The following SAMTOR variants were observed in gnomAD, a reference collection of about 807,000 sequenced individuals.
SAMTOR encodes the protein UPF0532 protein C7orf60.
chr7:112,916,074 C>A, the SAMTOR span, among the ~76,000 whole-genome samples: 1 of 152,122 alleles, frequency 6.6e-6, no homozygotes, highest in Non-Finnish European at 1.5e-5. Context: ...ATTTATAATT[C>A]TAGGTCAAAA....
chr7:112,819,705 T>G, the SAMTOR span: 3 of 152,532 alleles, frequency 2.0e-5, no homozygotes, highest in Non-Finnish European at 4.4e-5. Context: ...ATAAGCAGAA[T>G]CAACATCTGT....
At chr7:112,897,351 A>G in the SAMTOR span, among the ~76,000 whole-genome samples, 1 of 152,218 alleles carries the variant, frequency 6.6e-6, no homozygotes, top group Non-Finnish European at 1.5e-5. Flanking sequence ...AGACTTTATC[A>G]ACTTGAAATT....
At chr7:112,844,181 G>T in the SAMTOR span, among the ~76,000 whole-genome samples, 1 of 151,904 alleles carries the variant, frequency 6.6e-6, no homozygotes, top group Admixed American at 6.6e-5. Context: ...TACTGAATAG[G>T]CAAAAGCTGG....
At chr7:112,851,479 C>T in the SAMTOR span, among the ~76,000 whole-genome samples, 10 of 152,234 alleles carry the variant, frequency 6.6e-5, no homozygotes, top group South Asian at 4.1e-4. Flanking sequence ...GCTGGGAAAA[C>T]TGGATAGCCA....
chr7:112,864,945 G>A, the SAMTOR span, among the ~76,000 whole-genome samples: 2 of 151,978 alleles, frequency 1.3e-5, no homozygotes, highest in African/African-American at 4.8e-5. Context: ...GTAGAGATGG[G>A]GTTTTGCCAT....
At chr7:112,907,723 A>C in the SAMTOR span, among the ~76,000 whole-genome samples, 1 of 152,086 alleles carries the variant, frequency 6.6e-6, no homozygotes, top group African/African-American at 2.4e-5. Flanking sequence ...CTCATTCATA[A>C]GAGAAATGTA....
chr7:112,938,032 C>G, the SAMTOR span, among the ~76,000 whole-genome samples: 6 of 151,980 alleles, frequency 3.9e-5, no homozygotes, highest in African/African-American at 1.4e-4. Flanking sequence ...TCATTTTTCT[C>G]TTTAGAAAGA....
chr7:112,855,276 T>C, the SAMTOR span, among the ~76,000 whole-genome samples: 1 of 152,258 alleles, frequency 6.6e-6, no homozygotes, highest in Non-Finnish European at 1.5e-5. Flanking sequence ...ATGAATGTTA[T>C]ACTTCACTTT....
the SAMTOR span, among the ~76,000 whole-genome samples, chr7:112,824,747 GAA>G: frequency 6.6e-6 from 1 of 152,074 alleles, no homozygotes; most frequent in Non-Finnish European, 1.5e-5. Context: ...CACCATTGTG[GAA>G]AAGACTATGC....
chr7:112,923,871 T>G, the SAMTOR span, among the ~76,000 whole-genome samples: 1 of 152,114 alleles, frequency 6.6e-6, no homozygotes, highest in Non-Finnish European at 1.5e-5. Context: ...CCATAAAAAA[T>G]GATGAGTTCA....
the SAMTOR span, among the ~76,000 whole-genome samples, chr7:112,872,990 G>A: frequency 2.7e-4 from 40 of 150,924 alleles, no homozygotes; most frequent in African/African-American, 9.7e-4. Flanking sequence ...CAAATACCTA[G>A]GAATATATCC....
the SAMTOR span, among the ~76,000 whole-genome samples, chr7:112,902,433 AAAAAACAAAAAAAAAC>A: frequency 4.3e-3 from 487 of 112,222 alleles, 54 homozygotes; most frequent in African/African-American, 0.014. Context: ...AAAAAACAAA[AAAAAACAAAAAAAAAC>A]AAAAAAAAAA....
At chr7:112,901,272 G>A in the SAMTOR span, among the ~76,000 whole-genome samples, 5 of 152,134 alleles carry the variant, frequency 3.3e-5, no homozygotes, top group Admixed American at 2.0e-4. Flanking sequence ...TCGCATTACT[G>A]CCTAAGCTTT....
the SAMTOR span, among the ~76,000 whole-genome samples, chr7:112,825,920 T>C: frequency 5.3e-5 from 8 of 152,064 alleles, no homozygotes; most frequent in Non-Finnish European, 1.0e-4. Context: ...GTCAAATGCC[T>C]TTTCTGTGCC....
the SAMTOR span, among the ~76,000 whole-genome samples, chr7:112,874,830 T>C: frequency 6.6e-6 from 1 of 152,138 alleles, no homozygotes. Flanking sequence ...TGAAAATATA[T>C]CATTCTATGT....
the SAMTOR span, among the ~76,000 whole-genome samples, chr7:112,846,974 T>C: frequency 6.6e-6 from 1 of 152,244 alleles, no homozygotes; most frequent in African/African-American, 2.4e-5. Flanking sequence ...ATGCTATGTA[T>C]AGCTACCCTG....
the SAMTOR span, among the ~76,000 whole-genome samples, chr7:112,912,503 T>A: frequency 6.6e-6 from 1 of 152,072 alleles, no homozygotes. Flanking sequence ...TAAAGCCCAC[T>A]TTAGCTTTCA....
chr7:112,827,985 G>T, the SAMTOR span, among the ~76,000 whole-genome samples: 1 of 152,118 alleles, frequency 6.6e-6, no homozygotes, highest in East Asian at 1.9e-4. Flanking sequence ...AAAGTGCTGG[G>T]ATATTACAGG....
At chr7:112,868,711 G>A in the SAMTOR span, among the ~76,000 whole-genome samples, 2 of 152,240 alleles carry the variant, frequency 1.3e-5, no homozygotes, top group African/African-American at 4.8e-5. Context: ...ATCAGTCAGA[G>A]ACTGGAGTGC....
Sources: allele counts gnomAD v4.1 joint callset (sites outside exome capture counted in the v4.1 genomes callset), GRCh38; gene constraint gnomAD v4.1.1; transcripts MANE v1.5; gene names NCBI Gene and HGNC (gene_info 2026-07-23, HGNC 2026-07-21).